Variants in MYOCD observed in about 807,000 individuals in gnomAD.
MYOCD encodes myocardin.
MYOCD carries 32 observed loss-of-function variants against 96.1 expected under a neutral mutation model. That is an observed-to-expected ratio of 0.33 (90% CI 0.25 to 0.45). MYOCD has a LOEUF of 0.45. MYOCD is among the 20% of genes least tolerant of loss of function. The pLI is 1.00. For missense variants in MYOCD, 1,133 were observed against 1,200.6 expected (o/e 0.94, Z 0.83); for synonymous variants, 469 against 469.0 (o/e 1.00, Z 0.00).
intron 1 of MYOCD, among the ~76,000 whole-genome samples, chr17:12,680,849 G>A (rs1043875824): frequency 6.6e-6 from 1 of 152,204 alleles, no homozygotes; most frequent in African/African-American, 2.4e-5. Context: ...TGTAGTGACA[G>A]TGTTGTCAGC....
At chr17:12,681,062 GCT>G (rs1262853751) in intron 1 of MYOCD, among the ~76,000 whole-genome samples, 1 of 152,194 alleles carries the variant, frequency 6.6e-6, no homozygotes, top group South Asian at 2.1e-4. Context: ...CGCTGAAGGA[GCT>G]ATCTCAAAAT....
intron 7 of MYOCD, among the ~76,000 whole-genome samples, chr17:12,741,035 G>T (rs1314630779): frequency 6.7e-3 from 1 of 150 alleles, no homozygotes; most frequent in Non-Finnish European, 0.012. Flanking sequence ...ACCGTGCCTG[G>T]CCTATACCCA....
chr17:12,712,983 C>CG (rs2031526978), intron 2 of MYOCD, among the ~76,000 whole-genome samples: 1 of 152,146 alleles, frequency 6.6e-6, no homozygotes, highest in Non-Finnish European at 1.5e-5. Flanking sequence ...CTAAAACCCA[C>CG]GGTCTCTGAA....
intron 1 of MYOCD, among the ~76,000 whole-genome samples, chr17:12,701,214 C>A (rs779323566): frequency 2.0e-5 from 3 of 152,048 alleles, no homozygotes; most frequent in Admixed American, 6.6e-5. Context: ...GAGTTCTAGA[C>A]CAACCTCACC....
In MYOCD at chr17:12,737,841, A is replaced by C. The variant is rs1330203834; in HGVS notation, c.592-1362A>C. Among the ~76,000 whole-genome samples the C allele has an allele frequency of 2.6e-5, 4 of 152,136 alleles. No individual in the cohort carries two copies. In the South Asian group the frequency reaches 8.3e-4, roughly 32 times the overall value. On this transcript the variant is annotated intron_variant, in intron 6 of 13. Coordinates refer to ENST00000425538, the MANE Select transcript of MYOCD (RefSeq NM_001146312.3). ...TGCCTATCTTCACCCCATCAGAGCA[A>C]ACCTAAAGCTGCCAAGGAGAAAAAG...
At chr17:12,668,496 A>G (rs1909495111) in intron 1 of MYOCD, among the ~76,000 whole-genome samples, 1 of 152,246 alleles carries the variant, frequency 6.6e-6, no homozygotes, top group Non-Finnish European at 1.5e-5. Flanking sequence ...GATGTCAACC[A>G]TGGCCGACCA....
intron 1 of MYOCD, among the ~76,000 whole-genome samples, chr17:12,701,922 T>C (rs1464743825): frequency 1.3e-5 from 2 of 152,136 alleles, no homozygotes; most frequent in Non-Finnish European, 2.9e-5. Flanking sequence ...ATACTCTATA[T>C]GAGAGCAATT....
intron 1 of MYOCD, among the ~76,000 whole-genome samples, chr17:12,669,029 G>A (rs1030097757): frequency 3.9e-5 from 6 of 152,206 alleles, no homozygotes; most frequent in Non-Finnish European, 7.3e-5. Flanking sequence ...GGGAACAAGT[G>A]TAACTGTGAT....
At chr17:12,746,157 G>A in intron 9 of MYOCD, 85 bp downstream of exon 9, 1 of 1,413,380 alleles carries the variant, frequency 7.1e-7, no homozygotes, top group Admixed American at 1.9e-5. Flanking sequence ...ACTGATATCT[G>A]GAGTAAGAGA....
chr17:12,746,065 A>T lies in MYOCD; in HGVS notation c.1118A>T (p.Asp373Val), dbSNP rs2032656620. The T allele has an allele frequency of 6.2e-7, 1 of 1,613,920 alleles. No homozygotes were observed. Among genetic ancestry groups the T allele is most frequent in the Non-Finnish European group, 8.5e-7 (1 of 1,179,982 alleles). ...GGCCCACTCCCACCTAACCTGGATGATCTGAAGGTATAGGATTTGACATGA... is the reference window on the plus strand; with the variant it reads ...GGCCCACTCCCACCTAACCTGGATGTTCTGAAGGTATAGGATTTGACATGA... Reference protein sequence around the residue: ...KPGPLPPNLDDLKVSELRQQL... With the variant: ...KPGPLPPNLDVLKVSELRQQL... Residue 373 changes from aspartate (D) to valine (V), a missense_variant, in exon 9 of 14, where the codon GAT becomes GTT. Asp to Val is a radical substitution (Grantham distance 152). Coordinates refer to ENST00000425538, the MANE Select transcript of MYOCD (RefSeq NM_001146312.3).
chr17:12,740,575 T>C (rs1013498088), intron 7 of MYOCD, among the ~76,000 whole-genome samples: 2 of 152,204 alleles, frequency 1.3e-5, no homozygotes, highest in Non-Finnish European at 2.9e-5. Flanking sequence ...TGTTGGTTGA[T>C]GGGCACTTCG....
intron 2 of MYOCD, 46 bp downstream of exon 2, chr17:12,705,239 C>T: frequency 7.1e-7 from 1 of 1,410,522 alleles, no homozygotes. Context: ...AGGGCCACAC[C>T]ATTTGGGAGC....
At chr17:12,742,134 G>T (rs2032530636) in intron 7 of MYOCD, among the ~76,000 whole-genome samples, 1 of 152,118 alleles carries the variant, frequency 6.6e-6, no homozygotes. Flanking sequence ...TCTGGAGCAG[G>T]CCAGGGCAGA....
intron 2 of MYOCD, among the ~76,000 whole-genome samples, chr17:12,710,211 C>G: frequency 6.6e-6 from 1 of 152,170 alleles, no homozygotes. Context: ...TCTCCGTCTC[C>G]CTCTGCTACT....
At chr17:12,700,751 T>C (rs895633712) in intron 1 of MYOCD, among the ~76,000 whole-genome samples, 2 of 152,114 alleles carry the variant, frequency 1.3e-5, no homozygotes, top group African/African-American at 4.8e-5. Context: ...ATCTATGATA[T>C]TGAAAGATAA....
rs1480897888 is a variant in MYOCD at position 12,746,061 on chromosome 17, G to A, written c.1114G>A (p.Asp372Asn). 3 of 1,614,146 alleles carry A rather than the reference G, an allele frequency of 1.9e-6. No individual in the cohort carries two copies. The highest frequency in any genetic ancestry group is 3.3e-5 in the Admixed American group (2 of 60,020). Residue 372 changes from aspartate to asparagine, a missense_variant, in exon 9 of 14, where the codon GAT (aspartate) becomes AAT (asparagine). By Grantham distance (23) the Asp-to-Asn change is conservative. Transcript: ENST00000425538. Reference protein sequence around the residue: ...FKPGPLPPNLDDLKVSELRQQ... With the variant: ...FKPGPLPPNLNDLKVSELRQQ... ...ACCAGGCCCACTCCCACCTAACCTG[G>A]ATGATCTGAAGGTATAGGATTTGAC... is the stretch of plus-strand genomic sequence containing the variant.
chr17:12,705,008 T>G (rs1384190872), intron 1 of MYOCD, 120 bp from the exon 2 acceptor site: 3 of 667,630 alleles, frequency 4.5e-6, no homozygotes, highest in Non-Finnish European at 7.8e-6. Flanking sequence ...AAAATGTACT[T>G]CAAATAATTT....
chr17:12,752,511 C>G lies in MYOCD; in HGVS notation c.1223C>G (p.Ser408Cys). The stretch of plus-strand genomic sequence containing the variant: ...CGGCTTCGACCCTTCCAGGACTGCT[C>G]TGGCAACCCAGTGCCGAACTTTGGG... ...MDRLRPFQDC[S>C]GNPVPNFGDI... is the part of the protein sequence containing the mutation. Residue 408 changes from serine (S) to cysteine (C), a missense_variant, in exon 10 of 14, where the codon TCT becomes TGT. Transcript: ENST00000425538. 1 of 1,614,218 alleles carries G rather than the reference C, an allele frequency of 6.2e-7. No homozygotes were observed. Among genetic ancestry groups the G allele is most frequent in the Non-Finnish European group, 8.5e-7 (1 of 1,180,038 alleles).
rs780739328 is a variant in MYOCD, at chr17:12,752,963, GAGA to G, written c.1681_1683del (p.Lys561del). The stretch of plus-strand genomic sequence containing the variant: ...GAAGCAGAAAAGGAATAACTGTTCA[GAGA>G]AGAAGCCGCTGCCTTTCCTGGCTGC... On this transcript the variant is annotated inframe_deletion, in exon 10 of 14. Transcript: ENST00000425538. The G allele has an allele frequency of 4.3e-6, 7 of 1,614,188 alleles. No homozygotes were observed. The highest frequency in any genetic ancestry group is 3.3e-5 in the South Asian group (3 of 91,078).
Sources: gnomAD v4.1 joint callset for allele counts (sites outside exome capture counted in the v4.1 genomes callset) on GRCh38, gnomAD v4.1.1 for gene constraint, MANE v1.5 for transcripts, NCBI Gene and HGNC (gene_info 2026-07-23, HGNC 2026-07-21) for gene names.